FCHO2: variants seen among roughly 807,000 people sequenced by gnomAD.
FCHO2 encodes FCH and mu domain containing endocytic adaptor 2, also known as F-BAR domain only protein 2.
In FCHO2, 43 loss-of-function variants were observed where a neutral mutation model predicts 114.1. That is an observed-to-expected ratio of 0.38 (90% CI 0.30 to 0.49). FCHO2 has a LOEUF of 0.49. Ranked by LOEUF, FCHO2 falls within the 20% of genes least tolerant of loss-of-function variation. The pLI is 0.97. For missense variants in FCHO2, 807 were observed against 950.4 expected (o/e 0.85, Z 1.98); for synonymous variants, 293 against 315.2 (o/e 0.93, Z 0.75).
chr5:72,994,940 A>T (rs1265552261), intron 5 of FCHO2, among the ~76,000 whole-genome samples: 7 of 152,102 alleles, frequency 4.6e-5, no homozygotes. Flanking sequence ...AACAACAGAC[A>T]CTGGGGCCTA....
intron 20 of FCHO2, 93 bp from the exon 21 acceptor site, chr5:73,077,245 T>C (rs772790900): frequency 3.4e-5 from 36 of 1,051,484 alleles, no homozygotes; most frequent in Middle Eastern, 2.5e-4. Context: ...CGTGTGTGTG[T>C]GCGCACGTGC....
At chr5:72,981,053 A>G (rs530988094) in intron 2 of FCHO2, among the ~76,000 whole-genome samples, 2 of 151,616 alleles carry the variant, frequency 1.3e-5, no homozygotes, top group South Asian at 2.1e-4. Context: ...GGTCTTTACA[A>G]TTTGGTATGT....
chr5:73,006,469 A>T lies in FCHO2; in HGVS notation c.520A>T (p.Thr174Ser). ...GGCAGCTGTTAAATCTAAGAAAGCT[A>T]CAGATACCTATAAACTCTATGTGGA... is the stretch of plus-strand genomic sequence containing the variant. ...EKAAVKSKKA[T>S]DTYKLYVEKY... The change falls in exon 6 of 26, where the codon ACA becomes TCA. Residue 174 changes from threonine to serine, a missense_variant. Physicochemically the swap from Thr to Ser is moderately conservative, Grantham distance 58. Coordinates refer to ENST00000430046, the MANE Select transcript of FCHO2 (RefSeq NM_138782.3). 6.4e-7 allele frequency: 1 copy of T among 1,551,348 alleles called. No individual in the cohort carries two copies. The highest frequency in any genetic ancestry group is 8.6e-7 in the Non-Finnish European group (1 of 1,156,564).
chr5:72,959,201 C>T (rs887443408), intron 1 of FCHO2, among the ~76,000 whole-genome samples: 4 of 152,110 alleles, frequency 2.6e-5, no homozygotes, highest in East Asian at 1.9e-4. Context: ...AATTAACTTC[C>T]GAGAATTTAT....
chr5:72,997,501 C>T, intron 5 of FCHO2: 2 of 1,458,668 alleles, frequency 1.4e-6, no homozygotes, highest in Admixed American at 1.7e-5. Context: ...GCCATCCAGA[C>T]AAGGCCATCA....
chr5:72,987,172 G>A lies in FCHO2; in HGVS notation c.126-2255G>A, dbSNP rs531557625. 1.5e-3 allele frequency among the ~76,000 whole-genome samples: 235 copies of A among 151,928 alleles called. 3 individuals are homozygous for A. The highest frequency in any genetic ancestry group is 0.015 in the Admixed American group (230 of 15,250). ...ATTACCGGCGTGAGCCACCGTGCCC[G>A]GCCTATTTTAACTATTTTTCTACAT... On this transcript the variant is annotated intron_variant, in intron 2 of 25. Transcript: ENST00000430046.
intron 5 of FCHO2, chr5:72,997,156 G>T: frequency 1.8e-6 from 2 of 1,106,764 alleles, no homozygotes; most frequent in Non-Finnish European, 2.8e-6. Flanking sequence ...GGGTCCTGAG[G>T]CTCACAGTCT....
chr5:72,972,501 TTGTC>T (rs1401862742), intron 2 of FCHO2, among the ~76,000 whole-genome samples: 1 of 151,710 alleles, frequency 6.6e-6, no homozygotes, highest in Non-Finnish European at 1.5e-5. Context: ...GGCTCTCTGT[TTGTC>T]TGTTGTTGGT....
At chr5:73,077,668 AAAAAAAC>A (rs957197806) in intron 21 of FCHO2, among the ~76,000 whole-genome samples, 175 bp downstream of exon 21, 38 of 151,554 alleles carry the variant, frequency 2.5e-4, no homozygotes, top group South Asian at 8.3e-4. Context: ...CATCTCTACC[AAAAAAAC>A]AAAAAACAAA....
chr5:72,993,143 A>G (rs868550345), intron 5 of FCHO2, among the ~76,000 whole-genome samples: 5 of 152,088 alleles, frequency 3.3e-5, no homozygotes, highest in South Asian at 2.1e-4. Context: ...GTTCAAATAA[A>G]TAAACATAAA....
chr5:73,079,616 G>A (rs140355062), intron 22 of FCHO2, among the ~76,000 whole-genome samples: 9 of 152,214 alleles, frequency 5.9e-5, no homozygotes, highest in African/African-American at 2.2e-4. Flanking sequence ...TACCATAAAG[G>A]TACTAAAATA....
intron 2 of FCHO2, among the ~76,000 whole-genome samples, 164 bp from the exon 3 acceptor site, chr5:72,989,263 A>G (rs1171790938): frequency 1.3e-5 from 2 of 152,232 alleles, no homozygotes. Context: ...CAGAAAGGAC[A>G]TTTGAAGATA....
chr5:72,998,710 G>A (rs761508966), intron 5 of FCHO2, among the ~76,000 whole-genome samples: 10 of 149,746 alleles, frequency 6.7e-5, no homozygotes, highest in African/African-American at 2.2e-4. Flanking sequence ...CTAGTATGCC[G>A]TGACCACTCA....
At chr5:72,956,388 G>A (rs1250849650) in intron 1 of FCHO2, among the ~76,000 whole-genome samples, 1 of 151,640 alleles carries the variant, frequency 6.6e-6, no homozygotes, top group Non-Finnish European at 1.5e-5. Flanking sequence ...CCGGGGCTGG[G>A]ACAAAGCGCC....
At chr5:72,994,370 G>A (rs1210990243) in intron 5 of FCHO2, among the ~76,000 whole-genome samples, 4 of 152,118 alleles carry the variant, frequency 2.6e-5, no homozygotes, top group Admixed American at 6.5e-5. Flanking sequence ...CAGCCAACAA[G>A]CATATGAAAA....
chr5:73,057,969 C>G (rs1431678266), intron 16 of FCHO2, among the ~76,000 whole-genome samples: 1 of 152,036 alleles, frequency 6.6e-6, no homozygotes, highest in East Asian at 1.9e-4. Context: ...TAATTAATTT[C>G]TACACATATA....
In FCHO2 at chr5:73,084,488, A is replaced by G. The variant is rs371859850; in HGVS notation, c.2245+1663A>G. Among the ~76,000 whole-genome samples the G allele has an allele frequency of 4.7e-5, 7 of 150,038 alleles. No individual in the cohort carries two copies. In the South Asian group the frequency reaches 1.3e-3, roughly 27 times the overall value. On this transcript the variant is annotated intron_variant, in intron 24 of 25. Coordinates refer to ENST00000430046, the MANE Select transcript of FCHO2 (RefSeq NM_138782.3). The stretch of plus-strand genomic sequence containing the variant: ...GCCATGTTGGCCAGGCTGGTCTTGA[A>G]CTCCTGACCTCAGTTGATCTGCCAG...
intron 7 of FCHO2, 78 bp downstream of exon 7, chr5:73,015,802 C>G (rs537763156): frequency 1.2e-6 from 1 of 828,140 alleles, no homozygotes; most frequent in Admixed American, 3.4e-5. Flanking sequence ...TTTTCTCACT[C>G]TGTTCAAAGT....
chr5:72,996,796 C>T lies in FCHO2; in HGVS notation c.495+5932C>T, dbSNP rs530449832. ...GCCGCTTGCTCCATACCCCTCTCTG[C>T]AGCCTCTCCTGCCACTTAGGGCTGC... On this transcript the variant is annotated intron_variant, in intron 5 of 25. Transcript: ENST00000430046. 3.0e-3 allele frequency: 2,014 copies of T among 664,754 alleles called. 5 individuals are homozygous for T. Among genetic ancestry groups the T allele is most frequent in the Non-Finnish European group, 3.2e-3 (1,224 of 387,494 alleles). The allele number at this position is 664,754 out of a possible 1,614,324, so 41.2% of individuals were successfully genotyped here. A position where few individuals can be genotyped will look rare whatever the true frequency, so the allele number is the denominator to read the frequency against.
Sources: gnomAD v4.1 joint callset for allele counts (sites outside exome capture counted in the v4.1 genomes callset) on GRCh38, gnomAD v4.1.1 for gene constraint, MANE v1.5 for transcripts, NCBI Gene and HGNC (gene_info 2026-07-23, HGNC 2026-07-21) for gene names.